PSME4: variants seen among roughly 807,000 people sequenced by gnomAD.
The protein encoded by PSME4 is proteasome activator complex subunit 4.
PSME4 carries 89 observed loss-of-function variants against 253.9 expected under a neutral mutation model. That is an observed-to-expected ratio of 0.35 (90% CI 0.30 to 0.42). The LOEUF (loss-of-function observed/expected upper bound fraction) is 0.42. PSME4 is among the 10% of genes least tolerant of loss of function. The probability of loss-of-function intolerance (pLI) is 1.00; values close to 1 mark genes in which losing one functional copy is unlikely to be tolerated. For missense variants in PSME4, 2,014 were observed against 2,195.2 expected (o/e 0.92, Z 1.65); for synonymous variants, 851 against 759.2 (o/e 1.12, Z -1.99).
intron 10 of PSME4, among the ~76,000 whole-genome samples, chr2:53,930,609 A>C (rs1668782977): frequency 6.6e-6 from 1 of 152,218 alleles, no homozygotes; most frequent in Non-Finnish European, 1.5e-5. Context: ...GTACGGCCTA[A>C]CTTGAATATT....
chr2:53,920,232 T>A lies in PSME4; in HGVS notation c.2381A>T (p.Lys794Ile). Residue 794 changes from lysine (K) to isoleucine (I), a missense_variant, in exon 19 of 47, where the codon AAA (lysine) becomes ATA (isoleucine). Lys to Ile is a moderately radical substitution (Grantham distance 102). Transcript: ENST00000404125. ...LDSFLQPELV[K>I]LQHCGDGKLE... Reference sequence around the variant, plus strand: ...TTTTCCATCCCCACAATGCTGGAGTTTGACGAGCTCAGGCTGAAGAAAGGA... The same window carrying A: ...TTTTCCATCCCCACAATGCTGGAGTATGACGAGCTCAGGCTGAAGAAAGGA... 6.2e-7 allele frequency: 1 copy of A among 1,613,442 alleles called. No homozygotes were observed.
chr2:53,939,986 A>G lies in PSME4; in HGVS notation c.515T>C (p.Ile172Thr), dbSNP rs751466807. 3.1e-6 allele frequency: 5 copies of G among 1,593,102 alleles called. No homozygotes were observed. Among genetic ancestry groups the G allele is most frequent in the African/African-American group, 2.7e-5 (2 of 74,664 alleles). The change falls in exon 4 of 47, where the codon ATT becomes ACT. Residue 172 changes from isoleucine (I) to threonine (T), a missense_variant. Physicochemically the swap from Ile to Thr is moderately conservative, Grantham distance 89. Transcript: ENST00000404125. ...LNWFPNSVEN[I>T]LKTLVKSCRP... ...GCAGCTTTTCACGAGTGTTTTGAGAATATTTTCTACAGAACTGGGGGGGGA... is the reference window on the plus strand; with the variant it reads ...GCAGCTTTTCACGAGTGTTTTGAGAGTATTTTCTACAGAACTGGGGGGGGA...
Position 53,908,322 on chromosome 2 carries a change from G to A in PSME4, c.2782C>T (p.Arg928Trp), listed in dbSNP as rs780168392. Residue 928 changes from arginine (R) to tryptophan (W), a missense_variant and splice_region_variant, in exon 24 of 47, where the codon CGG (arginine) becomes TGG (tryptophan). By Grantham distance (101) the Arg-to-Trp change is moderately radical. This residue lies in a region of PSME4 where 989 missense variants were observed against 1,021.1 expected (regional missense o/e 0.97). Transcript: ENST00000404125. ...GACTTTTAGGTGAAAATACTGACCCGATTTTCCATTGATTTCTTTACTAAG... is the reference window on the plus strand; with the variant it reads ...GACTTTTAGGTGAAAATACTGACCCAATTTTCCATTGATTTCTTTACTAAG... ...FNLVKKSMEN[R>W]LHGKKQHIRA... 6.2e-6 allele frequency: 10 copies of A among 1,606,210 alleles called. No homozygotes were observed. Among genetic ancestry groups the A allele is most frequent in the African/African-American group, 1.3e-5 (1 of 74,730 alleles).
At chr2:53,964,383 T>C (rs1670623780) in intron 1 of PSME4, among the ~76,000 whole-genome samples, 1 of 152,242 alleles carries the variant, frequency 6.6e-6, no homozygotes, top group Non-Finnish European at 1.5e-5. Flanking sequence ...TATTACATTA[T>C]ACAACTTTAT....
intron 1 of PSME4, among the ~76,000 whole-genome samples, chr2:53,963,059 A>G (rs1265828891): frequency 1.3e-5 from 2 of 152,124 alleles, no homozygotes; most frequent in Admixed American, 1.3e-4. Flanking sequence ...TCACGCATGT[A>G]ATCCCAACAC....
chr2:53,891,413 A>G (rs1363889850), intron 36 of PSME4, among the ~76,000 whole-genome samples: 1 of 152,160 alleles, frequency 6.6e-6, no homozygotes, highest in Non-Finnish European at 1.5e-5. Context: ...CTGCAGGTCC[A>G]TGGACTGTAT....
rs562444855 is a variant in PSME4 at position 53,930,050 on chromosome 2, A to T, written c.1317-1747T>A. Among the ~76,000 whole-genome samples the T allele has an allele frequency of 8.6e-5, 13 of 151,814 alleles. No individual in the cohort carries two copies. In the South Asian group the frequency reaches 2.7e-3, roughly 31 times the overall value. On this transcript the variant is annotated intron_variant, in intron 10 of 46. Transcript: ENST00000404125. ...ATAAATAATAAATAAATAAATAAATAAATAATAAATTTTAAAAGGTGATGC... is the reference window on the plus strand; with the variant it reads ...ATAAATAATAAATAAATAAATAAATTAATAATAAATTTTAAAAGGTGATGC...
At chr2:53,907,797 T>C (rs1336503627) in intron 24 of PSME4, among the ~76,000 whole-genome samples, 1 of 152,158 alleles carries the variant, frequency 6.6e-6, no homozygotes, top group Non-Finnish European at 1.5e-5. Context: ...ATCTAGCAAC[T>C]GTTGTCTAAA....
At chr2:53,902,041 T>C (rs1013071886) in intron 27 of PSME4, among the ~76,000 whole-genome samples, 2 of 152,028 alleles carry the variant, frequency 1.3e-5, no homozygotes, top group African/African-American at 4.8e-5. Context: ...TACTCCAGCT[T>C]AGGTGACACA....
intron 37 of PSME4, among the ~76,000 whole-genome samples, chr2:53,889,053 C>T (rs1679770287): frequency 6.6e-6 from 1 of 152,058 alleles, no homozygotes; most frequent in South Asian, 2.1e-4. Flanking sequence ...TTTGTAGAGA[C>T]AGAGTCTCCC....
chr2:53,902,671 CA>C lies in PSME4; in HGVS notation c.3076-1113del, dbSNP rs372413200. ...ACAACACTCTTGAATTATACATCTG[CA>C]CCAGGGGTCAGCAAACATTTTCCAT... is the stretch of plus-strand genomic sequence containing the variant. On this transcript the variant is annotated intron_variant, in intron 27 of 46. Transcript: ENST00000404125. Among the ~76,000 whole-genome samples, 10 of 152,332 alleles carry C rather than the reference CA, an allele frequency of 6.6e-5. No homozygotes were observed. In the East Asian group the frequency reaches 1.7e-3, roughly 26 times the overall value.
chr2:53,940,938 T>TAA (rs1242498457), intron 3 of PSME4, among the ~76,000 whole-genome samples: 2 of 59,392 alleles, frequency 3.4e-5, no homozygotes, highest in Non-Finnish European at 5.7e-5. Flanking sequence ...AATACATATA[T>TAA]AAATATATAT....
intron 1 of PSME4, among the ~76,000 whole-genome samples, chr2:53,950,270 T>C (rs1198297660): frequency 1.4e-5 from 2 of 147,968 alleles, no homozygotes; most frequent in African/African-American, 5.0e-5. Flanking sequence ...GGCGACAGAG[T>C]GAGATCTTGT....
chr2:53,961,636 C>A (rs1350345884), intron 1 of PSME4, among the ~76,000 whole-genome samples: 1 of 152,112 alleles, frequency 6.6e-6, no homozygotes, highest in Non-Finnish European at 1.5e-5. Flanking sequence ...TGTGACAGCG[C>A]CACTGCACTC....
chr2:53,891,233 T>C (rs1234837066), intron 36 of PSME4, among the ~76,000 whole-genome samples: 2 of 152,196 alleles, frequency 1.3e-5, no homozygotes, highest in Admixed American at 6.5e-5. Flanking sequence ...CTTGGATAAA[T>C]AGCCCATAAA....
intron 10 of PSME4, among the ~76,000 whole-genome samples, chr2:53,929,561 C>A (rs1424039384): frequency 6.6e-6 from 1 of 151,710 alleles, no homozygotes; most frequent in Non-Finnish European, 1.5e-5. Context: ...TTCCAAAGTC[C>A]TGGGACTACA....
Position 53,898,128 on chromosome 2 carries a change from C to T in PSME4, c.3477-129G>A, listed in dbSNP as rs1366976750. On this transcript the variant is annotated intron_variant, in intron 30 of 46. Transcript: ENST00000404125. ...AATAGGTCTAGTGAAGAATACTGCT[C>T]CTATCATTAATCCCAAACTTTCCCT... 3.4e-6 allele frequency: 4 copies of T among 1,189,532 alleles called. No homozygotes were observed. The Admixed American group carries it at 7.8e-5, about 23-fold the overall frequency. The allele number at this position is 1,189,532 out of a possible 1,614,324, so 73.7% of individuals were successfully genotyped here. A position where few individuals can be genotyped will look rare whatever the true frequency, so the allele number is the denominator to read the frequency against.
chr2:53,922,603 T>C lies in PSME4; in HGVS notation c.1979-19A>G, dbSNP rs377219554. On this transcript the variant is annotated intron_variant, in intron 16 of 46. Coordinates refer to ENST00000404125, the MANE Select transcript of PSME4 (RefSeq NM_014614.3). ...TCATCATCTAAAAACAGCAAAATAC[T>C]ATTAGGGGGAAAAACCTATGCATTC... 5.0e-6 allele frequency: 8 copies of C among 1,607,068 alleles called. No homozygotes were observed. The highest frequency in any genetic ancestry group is 4.5e-5 in the East Asian group (2 of 44,616).
At chr2:53,869,047 A>G (rs1190848353) in intron 44 of PSME4, among the ~76,000 whole-genome samples, 2 of 152,202 alleles carry the variant, frequency 1.3e-5, no homozygotes, top group African/African-American at 4.8e-5. Context: ...TAAGTTCTAA[A>G]TTCCAAAACA....
Sources: allele counts gnomAD v4.1 joint callset (sites outside exome capture counted in the v4.1 genomes callset), GRCh38; gene constraint gnomAD v4.1.1; regional missense constraint gnomAD v4.1.1; transcripts MANE v1.5; gene names NCBI Gene and HGNC (gene_info 2026-07-23, HGNC 2026-07-21).